Variants in KIF21A observed in about 807,000 individuals in gnomAD.
KIF21A encodes kinesin-like protein KIF21A.
A neutral mutation model predicts 202.9 loss-of-function variants in KIF21A; 114 were observed. The observed-to-expected ratio is 0.56, with a 90% CI of 0.48 to 0.66. The LOEUF is 0.66. KIF21A is among the 30% of genes least tolerant of loss of function. KIF21A has a pLI of 0.00. For missense variants in KIF21A, 1,677 were observed against 1,994.9 expected, an observed-to-expected ratio of 0.84 and a Z score of 3.04; for synonymous variants, 667 against 670.8, an observed-to-expected ratio of 0.99 and a Z score of 0.09.
intron 37 of KIF21A, among the ~76,000 whole-genome samples, chr12:39,296,211 G>A (rs925039933): frequency 2.0e-5 from 3 of 151,434 alleles, no homozygotes; most frequent in Admixed American, 6.6e-5. Flanking sequence ...TGGGACTACA[G>A]GCGCCCACCA....
In KIF21A at chr12:39,301,651, AC is replaced by A; in HGVS notation, c.4759del (p.Val1587SerfsTer22). On this transcript the variant is annotated frameshift_variant, in exon 37 of 38. Coordinates refer to ENST00000361418, the MANE Select transcript of KIF21A (RefSeq NM_001173464.2). LOFTEE classifies it high-confidence loss of function. ...QQVPNAHKDW[V>X]CALGVVPDHP... ...GTCTGGCACCACTCCCAGGGCACAGACCCAATCCTTATGTGCATTTGGAACT... is the reference window on the plus strand; with the variant it reads ...GTCTGGCACCACTCCCAGGGCACAGACCAATCCTTATGTGCATTTGGAACT... 6.2e-7 allele frequency: 1 copy of A among 1,614,102 alleles called. No homozygotes were observed. Among genetic ancestry groups the A allele is most frequent in the Non-Finnish European group, 8.5e-7 (1 of 1,179,990 alleles).
intron 7 of KIF21A, 125 bp downstream of exon 7, chr12:39,362,972 AT>A: frequency 1.5e-6 from 1 of 670,058 alleles, no homozygotes. Context: ...CCTTAACAGT[AT>A]AAGGATTAGT....
intron 35 of KIF21A, among the ~76,000 whole-genome samples, chr12:39,304,540 G>A (rs371846471): frequency 1.3e-5 from 2 of 151,866 alleles, no homozygotes; most frequent in African/African-American, 4.8e-5. Flanking sequence ...TAATATTTTC[G>A]GGATAAAAGA....
chr12:39,408,947 G>A (rs1036468123), intron 1 of KIF21A, among the ~76,000 whole-genome samples: 2 of 151,950 alleles, frequency 1.3e-5, no homozygotes, highest in Non-Finnish European at 2.9e-5. Context: ...AACTTATTGA[G>A]TAGCTGGGAC....
intron 16 of KIF21A, among the ~76,000 whole-genome samples, chr12:39,338,114 G>A (rs1225513608): frequency 6.6e-6 from 1 of 152,200 alleles, no homozygotes; most frequent in African/African-American, 2.4e-5. Flanking sequence ...AGCTCCATGT[G>A]TGTTAATGCT....
chr12:39,352,301 C>T lies in KIF21A; in HGVS notation c.1470-321G>A, dbSNP rs141512983. On this transcript the variant is annotated intron_variant, in intron 10 of 37. Transcript: ENST00000361418. ...CATTTTAAATGAGTTAGTCTTCATG[C>T]TAAAAAGTTTTCCAAAATGCATTTC... 8.5e-4 allele frequency among the ~76,000 whole-genome samples: 129 copies of T among 152,142 alleles called. 1 individual carries two copies. The highest frequency in any genetic ancestry group is 1.8e-3 in the Admixed American group (28 of 15,236).
At chr12:39,408,949 A>G (rs139064401) in intron 1 of KIF21A, among the ~76,000 whole-genome samples, 1,566 of 152,002 alleles carry the variant, frequency 0.01, 10 homozygotes, top group Admixed American at 0.021. Flanking sequence ...CTTATTGAGT[A>G]GCTGGGACCA....
intron 11 of KIF21A, 71 bp from the exon 12 acceptor site, chr12:39,346,575 A>C (rs1309291851): frequency 5.7e-6 from 6 of 1,051,426 alleles, no homozygotes; most frequent in Non-Finnish European, 7.6e-6. Flanking sequence ...AAAAAGCGAA[A>C]GTGATAAGAA....
chr12:39,340,834 C>A (rs1254302156), intron 15 of KIF21A, 72 bp downstream of exon 15: 1 of 1,099,362 alleles, frequency 9.1e-7, no homozygotes, highest in Non-Finnish European at 1.3e-6. Flanking sequence ...TTTTTTTCTT[C>A]TAAAGGAAAA....
At chr12:39,428,893 G>A (rs909324295) in intron 1 of KIF21A, among the ~76,000 whole-genome samples, 1 of 151,756 alleles carries the variant, frequency 6.6e-6, no homozygotes, top group Non-Finnish European at 1.5e-5. Context: ...GGGAGTCAGA[G>A]GTTGCAGTGA....
chr12:39,334,217 A>AAAAGAAAG (rs1320601979), intron 17 of KIF21A, among the ~76,000 whole-genome samples: 3 of 149,856 alleles, frequency 2.0e-5, no homozygotes, highest in Non-Finnish European at 4.4e-5. Flanking sequence ...AAAAAAAAAA[A>AAAAGAAAG]AAAGAAAGAA....
chr12:39,325,324 C>T (rs1328564391), intron 26 of KIF21A, among the ~76,000 whole-genome samples: 1 of 143,494 alleles, frequency 7.0e-6, no homozygotes, highest in African/African-American at 2.8e-5. Context: ...CCAATTTCCA[C>T]CAAGGAGAAT....
chr12:39,318,165 A>C lies in KIF21A; in HGVS notation c.3816T>G (p.Pro1272=). The change falls in exon 29 of 38, where the codon CCT becomes CCG. Residue 1272 remains proline (P), a synonymous_variant. Coordinates refer to ENST00000361418, the MANE Select transcript of KIF21A (RefSeq NM_001173464.2). ...DSGTSEASLS[P]PSSPPSRPRN... is the part of the protein sequence containing the mutation. ...GGGGCCGGCTTGGTGGGGAAGAAGG[A>C]GGTGAAAGACTAGCCTCTGAAGTTC... The C allele has an allele frequency of 4.3e-6, 7 of 1,613,658 alleles. No individual in the cohort carries two copies. The highest frequency in any genetic ancestry group is 5.9e-6 in the Non-Finnish European group (7 of 1,179,614).
At chr12:39,394,845 C>T (rs1951618854) in intron 1 of KIF21A, among the ~76,000 whole-genome samples, 1 of 152,164 alleles carries the variant, frequency 6.6e-6, no homozygotes, top group Non-Finnish European at 1.5e-5. Flanking sequence ...CGGGGGAGTT[C>T]CTGAAACCCC....
rs992562233 is a variant in KIF21A, at chr12:39,293,313, C to G, written c.*1111G>C. ...TTTCAGGGGAAAAAATCACATAAGA[C>G]AATATTTTCAAATGTTATACCATCT... On this transcript the variant is annotated 3_prime_UTR_variant, in exon 38 of 38. Coordinates refer to ENST00000361418, the MANE Select transcript of KIF21A (RefSeq NM_001173464.2). 6.6e-6 allele frequency: 1 copy of G among 152,346 alleles called. No homozygotes were observed. Among genetic ancestry groups the G allele is most frequent in the African/African-American group, 2.4e-5 (1 of 41,432 alleles). The allele number at this position is 152,346 out of a possible 1,614,324, so 9.4% of individuals were successfully genotyped here. A position where few individuals can be genotyped will look rare whatever the true frequency, so the allele number is the denominator to read the frequency against.
intron 1 of KIF21A, among the ~76,000 whole-genome samples, chr12:39,390,749 A>G (rs888541187): frequency 1.3e-5 from 2 of 152,166 alleles, no homozygotes; most frequent in African/African-American, 4.8e-5. Flanking sequence ...GCACTATTGG[A>G]AAAAAACAAC....
chr12:39,369,237 T>G (rs963476300), intron 3 of KIF21A, among the ~76,000 whole-genome samples: 1 of 152,092 alleles, frequency 6.6e-6, no homozygotes, highest in Admixed American at 6.6e-5. Context: ...GGCAAGTGAA[T>G]AGCTTGAGGC....
chr12:39,425,412 T>A (rs1334226155), intron 1 of KIF21A, among the ~76,000 whole-genome samples: 1 of 152,166 alleles, frequency 6.6e-6, no homozygotes, highest in Non-Finnish European at 1.5e-5. Flanking sequence ...TAATCCGAAG[T>A]AAATTATATT....
intron 1 of KIF21A, among the ~76,000 whole-genome samples, chr12:39,375,584 T>C (rs954992091): frequency 1.5e-4 from 23 of 152,020 alleles, no homozygotes; most frequent in African/African-American, 4.4e-4. Flanking sequence ...AACCATATAA[T>C]AGGGGTATCA....
Sources: gnomAD v4.1 joint callset for allele counts (sites outside exome capture counted in the v4.1 genomes callset) on GRCh38, gnomAD v4.1.1 for gene constraint, MANE v1.5 for transcripts, NCBI Gene and HGNC (gene_info 2026-07-23, HGNC 2026-07-21) for gene names.